TUSC3: variants seen among roughly 807,000 people sequenced by gnomAD.
TUSC3 encodes the protein dolichyl-diphosphooligosaccharide--protein glycosyltransferase subunit TUSC3.
Under a neutral mutation model 44.8 loss-of-function variants are expected in TUSC3, and 45 were observed. The ratio of observed to expected loss-of-function variants is 1.00; its 90% CI spans 0.79 to 1.29. TUSC3 has a LOEUF of 1.29. Ranked by LOEUF, TUSC3 falls within the 50% of genes most tolerant of loss-of-function variation. The pLI is 0.00. For synonymous variants in TUSC3, 212 were observed against 152.9 expected, an observed-to-expected ratio of 1.39 and a Z score of -2.85; for missense variants, 519 against 437.9, an observed-to-expected ratio of 1.19 and a Z score of -1.65.
chr8:15,540,457 C>A lies in TUSC3; in HGVS notation c.27C>A (p.Arg9=). 2 of 1,604,610 alleles carry A rather than the reference C, an allele frequency of 1.2e-6. No homozygotes were observed. The highest frequency in any genetic ancestry group is 1.7e-6 in the Non-Finnish European group (2 of 1,176,522). MGARGAPS[R]RRQAGRRLRY... ...TGGGGGCCCGGGGCGCTCCTTCACG[C>A]CGTAGGCAAGCGGGGCGGCGGCTGC... Residue 9 remains arginine (R), a synonymous_variant, in exon 1 of 11, where the codon CGC becomes CGA. Coordinates refer to ENST00000503731, the MANE Select transcript of TUSC3 (RefSeq NM_006765.4).
chr8:15,482,170 A>G (rs1353728662), intron 1 of TUSC3, among the ~76,000 whole-genome samples: 3 of 152,192 alleles, frequency 2.0e-5, no homozygotes, highest in African/African-American at 7.2e-5. Context: ...ATGAGATTGC[A>G]GCAACTCAGT....
chr8:15,704,034 G>A (rs536673059), intron 6 of TUSC3, among the ~76,000 whole-genome samples: 2 of 152,234 alleles, frequency 1.3e-5, no homozygotes, highest in Admixed American at 6.6e-5. Flanking sequence ...GACACAGACA[G>A]TGAAAAAGCA....
chr8:15,833,279 A>G, the TUSC3 span, among the ~76,000 whole-genome samples: 1 of 152,204 alleles, frequency 6.6e-6, no homozygotes, highest in African/African-American at 2.4e-5. Flanking sequence ...AATTAGTTCA[A>G]CCATTGTGGA....
chr8:15,720,188 G>A (rs1301486359), intron 6 of TUSC3, among the ~76,000 whole-genome samples: 1 of 90,630 alleles, frequency 1.1e-5, no homozygotes, highest in Non-Finnish European at 2.3e-5. Context: ...GTTAAATATA[G>A]TGTATATATA....
At chr8:15,581,991 G>C (rs749590889) in intron 1 of TUSC3, among the ~76,000 whole-genome samples, 40 of 151,804 alleles carry the variant, frequency 2.6e-4, no homozygotes, top group Non-Finnish European at 5.0e-4. Flanking sequence ...TCTGAGCCAG[G>C]TGTGGGATAT....
chr8:15,771,498 CATT>C (rs72124173), downstream of TUSC3, among the ~76,000 whole-genome samples: 27,280 of 151,944 alleles, frequency 0.18, 2,452 homozygotes, highest in South Asian at 0.23. Flanking sequence ...AATATAAAGG[CATT>C]ATTTTTGGTT....
intron 10 of TUSC3, among the ~76,000 whole-genome samples, chr8:15,762,030 ATACT>A (rs1812185768): frequency 6.6e-6 from 1 of 151,974 alleles, no homozygotes; most frequent in Non-Finnish European, 1.5e-5. Context: ...ATACTGGAAC[ATACT>A]TTGGAAATTT....
intron 6 of TUSC3, among the ~76,000 whole-genome samples, chr8:15,688,693 A>G (rs571446024): frequency 6.6e-5 from 10 of 152,156 alleles, no homozygotes; most frequent in Non-Finnish European, 1.3e-4. Context: ...GGCTGCTGTT[A>G]GGAGATTTCC....
the TUSC3 span, among the ~76,000 whole-genome samples, chr8:15,812,782 G>C: frequency 3.3e-5 from 5 of 151,950 alleles, no homozygotes; most frequent in Admixed American, 3.3e-4. Flanking sequence ...CATATACCAT[G>C]ATTTTATATC....
At chr8:15,585,485 C>G (rs536194269) in intron 1 of TUSC3, among the ~76,000 whole-genome samples, 2 of 152,234 alleles carry the variant, frequency 1.3e-5, no homozygotes, top group African/African-American at 2.4e-5. Context: ...AAGAGGGGAC[C>G]TGGGAGAGGG....
the TUSC3 span, among the ~76,000 whole-genome samples, chr8:15,850,331 T>C: frequency 6.6e-6 from 1 of 152,152 alleles, no homozygotes; most frequent in Non-Finnish European, 1.5e-5. Flanking sequence ...TCTCAGTAAA[T>C]CTTCCCATTT....
chr8:15,461,275 G>T lies in TUSC3; in HGVS notation n.92-22111G>T, dbSNP rs992984574. ...AGGTATATTCCTAAGTGTTTTGTTT[G>T]TTTGTTTGTTTGTTTTTGCAGCTAT... is the stretch of plus-strand genomic sequence containing the variant. On this transcript the variant is annotated intron_variant and non_coding_transcript_variant, in intron 1 of 5. Transcript: ENST00000503191. 1.9e-4 allele frequency among the ~76,000 whole-genome samples: 29 copies of T among 151,678 alleles called. 1 individual carries two copies. Among genetic ancestry groups the T allele is most frequent in the Admixed American group, 1.8e-3 (27 of 15,220 alleles).
chr8:15,807,205 G>C, the TUSC3 span: 1 of 719,948 alleles, frequency 1.4e-6, no homozygotes, highest in Non-Finnish European at 2.5e-6. Flanking sequence ...TGCATGCTGC[G>C]TAGCTCGTAT....
intron 1 of TUSC3, among the ~76,000 whole-genome samples, chr8:15,436,697 A>AC (rs376132026): frequency 0.15 from 21,653 of 146,734 alleles, 1,659 homozygotes; most frequent in Middle Eastern, 0.22. Context: ...GAACTTTCAC[A>AC]AAAAAAATAC....
the TUSC3 span, among the ~76,000 whole-genome samples, chr8:15,835,657 C>A: frequency 6.6e-6 from 1 of 151,842 alleles, no homozygotes; most frequent in African/African-American, 2.4e-5. Flanking sequence ...ATTTTTTGTA[C>A]CTAATATGGT....
chr8:15,532,870 G>A (rs1416775913), intron 2 of TUSC3, among the ~76,000 whole-genome samples: 2 of 152,138 alleles, frequency 1.3e-5, no homozygotes, highest in Non-Finnish European at 2.9e-5. Flanking sequence ...TCCGCTCACT[G>A]CAACCTCCAC....
downstream of TUSC3, among the ~76,000 whole-genome samples, chr8:15,768,771 ACC>A (rs1812392920): frequency 6.6e-6 from 1 of 152,122 alleles, no homozygotes; most frequent in Non-Finnish European, 1.5e-5. Flanking sequence ...ATGTGCGAAA[ACC>A]ACAAGAATTT....
chr8:15,609,631 C>T (rs907721595), intron 1 of TUSC3, among the ~76,000 whole-genome samples: 1 of 152,012 alleles, frequency 6.6e-6, no homozygotes, highest in Non-Finnish European at 1.5e-5. Context: ...AAAATGACTT[C>T]ATATTTTGAG....
intron 1 of TUSC3, among the ~76,000 whole-genome samples, chr8:15,476,703 T>C (rs1286367817): frequency 6.6e-6 from 1 of 151,986 alleles, no homozygotes; most frequent in East Asian, 1.9e-4. Flanking sequence ...CTCCACAGGG[T>C]GGGAGCAGGC....
Sources: allele counts gnomAD v4.1 joint callset (sites outside exome capture counted in the v4.1 genomes callset), GRCh38; gene constraint gnomAD v4.1.1; transcripts MANE v1.5; gene names NCBI Gene and HGNC (gene_info 2026-07-23, HGNC 2026-07-21).